The following PDS5A variants were observed in gnomAD, a reference collection of about 807,000 sequenced individuals.
PDS5A encodes PDS5 cohesin associated factor A, also known as sister chromatid cohesion protein PDS5 homolog A.
PDS5A carries 42 observed loss-of-function variants against 167.1 expected under a neutral mutation model. The observed-to-expected ratio is 0.25, with a 90% CI of 0.20 to 0.33. The LOEUF is 0.33. PDS5A is among the 10% of genes least tolerant of loss of function. PDS5A has a pLI of 1.00. For synonymous variants in PDS5A, 553 were observed against 554.6 expected (o/e 1.00, Z 0.04); for missense variants, 1,033 against 1,605.9 (o/e 0.64, Z 6.10).
At position 39,972,252 on chromosome 4, in the gene PDS5A, T is replaced by C. The variant is rs1730617621; in HGVS notation, c.138+4188A>G. Among the ~76,000 whole-genome samples, 3 of 152,150 alleles carry C rather than the reference T, an allele frequency of 2.0e-5. No homozygotes were observed. The South Asian group carries it at 6.2e-4, about 32-fold the overall frequency. On this transcript the variant is annotated intron_variant, in intron 2 of 32. Transcript: ENST00000303538. ...TTGAGACACGGTTGGCTGGGCGCGG[T>C]GGCTCACGCCTGTAATCCCAGCACT...
chr4:39,859,812 G>A (rs34552925), intron 26 of PDS5A, among the ~76,000 whole-genome samples: 1 of 152,098 alleles, frequency 6.6e-6, no homozygotes, highest in Non-Finnish European at 1.5e-5. Context: ...GGGAGTGCTA[G>A]ATGGGCAGAA....
chr4:39,875,622 T>A (rs1436319324), intron 19 of PDS5A, among the ~76,000 whole-genome samples: 1 of 152,160 alleles, frequency 6.6e-6, no homozygotes, highest in Non-Finnish European at 1.5e-5. Context: ...GGTATGAATC[T>A]GATTTGACAT....
intron 2 of PDS5A, among the ~76,000 whole-genome samples, chr4:39,951,921 T>G (rs1263297964): frequency 1.1e-5 from 1 of 95,102 alleles, no homozygotes; most frequent in Non-Finnish European, 2.2e-5. Flanking sequence ...AAAAAAAAAA[T>G]CTGTATCACT....
chr4:39,832,107 G>A lies in PDS5A; in HGVS notation c.4010+5749C>T, dbSNP rs138034084. On this transcript the variant is annotated intron_variant, in intron 32 of 32. Transcript: ENST00000303538. ...TACTCCAGCCTGGGTGACAGAGCAA[G>A]ACTCCATTTCAAAAACAAAACAAAA... is the stretch of plus-strand genomic sequence containing the variant. Among the ~76,000 whole-genome samples, 869 of 151,814 alleles carry A rather than the reference G, an allele frequency of 5.7e-3. 9 individuals are homozygous for A. Among genetic ancestry groups the A allele is most frequent in the African/African-American group, 0.02 (811 of 41,412 alleles).
In PDS5A at chr4:39,910,449, A is replaced by G; in HGVS notation, c.993-111T>C. The G allele has an allele frequency of 3.2e-6, 2 of 615,828 alleles. 1 individual carries two copies. Among genetic ancestry groups the G allele is most frequent in the South Asian group, 4.1e-5 (2 of 49,338 alleles). The allele number at this position is 615,828 out of a possible 1,614,324, so 38.1% of individuals were successfully genotyped here. A position where few individuals can be genotyped will look rare whatever the true frequency, so the allele number is the denominator to read the frequency against. Reference sequence around the variant, plus strand: ...ACGCAACAATAGTTACTGATTAGAAAATTTGTTATGAGCTAAGGTATTCTG... The same window carrying G: ...ACGCAACAATAGTTACTGATTAGAAGATTTGTTATGAGCTAAGGTATTCTG... On this transcript the variant is annotated intron_variant, in intron 9 of 32. Transcript: ENST00000303538.
intron 7 of PDS5A, among the ~76,000 whole-genome samples, chr4:39,917,733 C>A (rs747119670): frequency 6.6e-6 from 1 of 152,084 alleles, no homozygotes; most frequent in Non-Finnish European, 1.5e-5. Context: ...CGCCACCATG[C>A]CCAGCTAATT....
At chr4:39,935,102 A>G (rs1011493854) in intron 2 of PDS5A, among the ~76,000 whole-genome samples, 1 of 152,186 alleles carries the variant, frequency 6.6e-6, no homozygotes, top group African/African-American at 2.4e-5. Context: ...CAAAAGTTGT[A>G]AAGATTTTCT....
At chr4:39,970,716 AGAG>A (rs1730434366) in intron 2 of PDS5A, among the ~76,000 whole-genome samples, 1 of 151,500 alleles carries the variant, frequency 6.6e-6, no homozygotes. Context: ...CTGTGAAGTA[AGAG>A]GAGGTTCCAG....
Position 39,922,584 on chromosome 4 carries a change from T to G in PDS5A, c.654+38A>C, listed in dbSNP as rs755338898. ...TTCATTCTTATGTGTGGCGTGACTGTTAAACATTAACCTTGAATATCTTCA... is the reference window on the plus strand; with the variant it reads ...TTCATTCTTATGTGTGGCGTGACTGGTAAACATTAACCTTGAATATCTTCA... On this transcript the variant is annotated intron_variant, in intron 6 of 32. Coordinates refer to ENST00000303538, the MANE Select transcript of PDS5A (RefSeq NM_001100399.2). 1.1e-5 allele frequency: 16 copies of G among 1,479,508 alleles called. No individual in the cohort carries two copies. The South Asian group carries it at 1.3e-4, about 12-fold the overall frequency. The allele number at this position is 1,479,508 out of a possible 1,614,324, so 91.6% of individuals were successfully genotyped here.
At chr4:39,972,674 CTTTT>C (rs35374040) in intron 2 of PDS5A, among the ~76,000 whole-genome samples, 29,294 of 144,436 alleles carry the variant, frequency 0.2, 3,318 homozygotes, top group South Asian at 0.29. Flanking sequence ...CACAACTTTC[CTTTT>C]TTTTTTTTTC....
rs765327309 is a variant in PDS5A at position 39,913,685 on chromosome 4, T to A, written c.918A>T (p.Leu306=). The change falls in exon 9 of 33, where the codon CTA becomes CTT. Residue 306 remains leucine, a synonymous_variant. Transcript: ENST00000303538. ...AATCTTTGGAGCCAAACAATTTAGC[T>A]AGAAGTCGAACAACAGCTAATCGCT... The part of the protein sequence containing the change: ...GEERLAVVRL[L]AKLFGSKDSD... 2.2e-5 allele frequency: 35 copies of A among 1,611,584 alleles called. No homozygotes were observed. Among genetic ancestry groups the A allele is most frequent in the Non-Finnish European group, 3.0e-5 (35 of 1,177,846 alleles).
chr4:39,917,022 A>T (rs1454731850), intron 8 of PDS5A, 26 bp downstream of exon 8: 1 of 1,397,476 alleles, frequency 7.2e-7, no homozygotes, highest in East Asian at 2.9e-5. Context: ...AATTAAAAAA[A>T]AAAAAAGAAA....
chr4:39,885,284 C>CAA (rs1721333759), intron 17 of PDS5A, among the ~76,000 whole-genome samples: 1 of 138,630 alleles, frequency 7.2e-6, no homozygotes, highest in African/African-American at 2.7e-5. Flanking sequence ...AAGAAAAAGA[C>CAA]AAAAGAAAGG....
rs1441921272 is a variant in PDS5A at position 39,862,259 on chromosome 4, T to C, written c.3046A>G (p.Thr1016Ala). The C allele has an allele frequency of 2.6e-6, 4 of 1,537,166 alleles. No homozygotes were observed. The highest frequency in any genetic ancestry group is 3.5e-6 in the Non-Finnish European group (4 of 1,133,582). Residue 1016 changes from threonine (T) to alanine (A), a missense_variant, in exon 26 of 33, where the codon ACA becomes GCA. Transcript: ENST00000303538. ...AGCTGATCAACATCTTGTGATCTTGTAAAATCTGGATCATGGGCTAGCAGG... is the reference window on the plus strand; with the variant it reads ...AGCTGATCAACATCTTGTGATCTTGCAAAATCTGGATCATGGGCTAGCAGG... ...IHLLAHDPDF[T>A]RSQDVDQLRD...
chr4:39,849,738 T>A, intron 26 of PDS5A, 86 bp from the exon 27 acceptor site: 2 of 805,290 alleles, frequency 2.5e-6, no homozygotes, highest in Non-Finnish European at 3.9e-6. Context: ...ATTTCTGTTG[T>A]CTGAATAAAA....
At chr4:39,916,925 A>G in intron 8 of PDS5A, 123 bp downstream of exon 8, 1 of 492,638 alleles carries the variant, frequency 2.0e-6, no homozygotes, top group Non-Finnish European at 3.5e-6. Context: ...AGTTACAGAA[A>G]AATTATGCGG....
chr4:39,873,221 C>T (rs1328589773), intron 20 of PDS5A, 77 bp from the exon 21 acceptor site: 14 of 820,214 alleles, frequency 1.7e-5, no homozygotes, highest in African/African-American at 3.5e-5. Context: ...GTACATTTTC[C>T]TGAGTCCTCC....
chr4:39,831,432 A>T (rs1715863961), intron 32 of PDS5A, among the ~76,000 whole-genome samples: 1 of 152,218 alleles, frequency 6.6e-6, no homozygotes, highest in Non-Finnish European at 1.5e-5. Flanking sequence ...TGGGTTAACA[A>T]ATAAAGAGCT....
intron 31 of PDS5A, among the ~76,000 whole-genome samples, chr4:39,840,238 G>A (rs904709694): frequency 1.3e-5 from 2 of 152,180 alleles, no homozygotes; most frequent in Non-Finnish European, 2.9e-5. Flanking sequence ...TGCTCCTATC[G>A]ATTATGCACC....
Sources: gnomAD v4.1 joint callset for allele counts (sites outside exome capture counted in the v4.1 genomes callset) on GRCh38, gnomAD v4.1.1 for gene constraint, MANE v1.5 for transcripts, NCBI Gene and HGNC (gene_info 2026-07-23, HGNC 2026-07-21) for gene names.